The following PLCL1 variants were observed in gnomAD, a reference collection of about 807,000 sequenced individuals.
PLCL1 encodes phospholipase C like 1 (inactive), also known as inactive phospholipase C-like protein 1.
Under a neutral mutation model 84.4 loss-of-function variants are expected in PLCL1, and 41 were observed. That is an observed-to-expected ratio of 0.49 (90% CI 0.38 to 0.63). The LOEUF (loss-of-function observed/expected upper bound fraction) is 0.63, where lower values mean the gene tolerates loss of function less well. Among genes scored for constraint, PLCL1 ranks in the 30% least tolerant of loss-of-function variants. The pLI is 0.00. For synonymous variants in PLCL1, 490 were observed against 488.3 expected (o/e 1.00, Z -0.05); for missense variants, 1,206 against 1,367.8 (o/e 0.88, Z 1.87).
At chr2:197,982,437 GCCT>G (rs982437107) in intron 1 of PLCL1, among the ~76,000 whole-genome samples, 29 of 152,008 alleles carry the variant, frequency 1.9e-4, no homozygotes, top group African/African-American at 5.1e-4. Context: ...CTATCTTTAA[GCCT>G]CCTCATGCTT....
chr2:198,059,983 A>G (rs1226688816), intron 1 of PLCL1, among the ~76,000 whole-genome samples: 1 of 152,184 alleles, frequency 6.6e-6, no homozygotes, highest in African/African-American at 2.4e-5. Flanking sequence ...GCATGAGGTT[A>G]TCTGACTGCA....
chr2:197,958,738 C>T (rs1358719028), intron 1 of PLCL1, among the ~76,000 whole-genome samples: 1 of 151,668 alleles, frequency 6.6e-6, no homozygotes, highest in Non-Finnish European at 1.5e-5. Context: ...ATATTTACAC[C>T]CTTACCTCAT....
At chr2:198,002,318 T>C (rs964692414) in intron 1 of PLCL1, among the ~76,000 whole-genome samples, 36 of 152,322 alleles carry the variant, frequency 2.4e-4, no homozygotes, top group African/African-American at 8.2e-4. Flanking sequence ...AGAACATATG[T>C]ATGCATTTTT....
chr2:198,036,128 A>C (rs961143791), intron 1 of PLCL1, among the ~76,000 whole-genome samples: 2 of 152,176 alleles, frequency 1.3e-5, no homozygotes, highest in Non-Finnish European at 2.9e-5. Flanking sequence ...ATCATCAATG[A>C]ATTCTCTTTT....
rs1236445373 is a variant in PLCL1, at chr2:197,805,184, G to A, written c.85G>A (p.Ala29Thr). Residue 29 changes from alanine (A) to threonine (T), a missense_variant, in exon 1 of 6, where the codon GCC becomes ACC. Ala to Thr is a moderately conservative substitution (Grantham distance 58, BLOSUM62 0). Transcript: ENST00000428675. This position sits in a 1 kb window ranked among gnomAD's most constrained non-coding sequence, Gnocchi z 4.0. The stretch of plus-strand genomic sequence containing the variant: ...AGACGACCCCCGAGTGGGCCCGGAT[G>A]CCGCCGGGGACTGCGTGACGGCGGC... The part of the protein sequence containing the change: ...GEDDPRVGPD[A>T]AGDCVTAASG... The A allele has an allele frequency of 7.0e-6, 9 of 1,284,918 alleles. No homozygotes were observed. The highest frequency in any genetic ancestry group is 6.9e-6 in the Non-Finnish European group (7 of 1,018,724). The allele number at this position is 1,284,918 out of a possible 1,614,324, so 79.6% of individuals were successfully genotyped here.
At chr2:197,978,682 G>T (rs188985570) in intron 1 of PLCL1, among the ~76,000 whole-genome samples, 2 of 152,318 alleles carry the variant, frequency 1.3e-5, no homozygotes, top group Non-Finnish European at 2.9e-5. Flanking sequence ...CCAAATCAGA[G>T]TTGTGAGTGA....
chr2:197,819,884 A>ATGTGTGTGTG (rs57885218), intron 1 of PLCL1, among the ~76,000 whole-genome samples: 14 of 140,662 alleles, frequency 1.0e-4, no homozygotes, highest in East Asian at 4.2e-4. Context: ...ACTATTATGC[A>ATGTGTGTGTG]TGTGTGTGTG....
At chr2:197,888,084 T>A (rs568446920) in intron 1 of PLCL1, among the ~76,000 whole-genome samples, 222 of 151,384 alleles carry the variant, frequency 1.5e-3, no homozygotes, top group Non-Finnish European at 2.3e-3. Context: ...AGTGAGACAC[T>A]GTCTGAAAAA....
At chr2:197,872,053 T>C (rs1313596211) in intron 1 of PLCL1, among the ~76,000 whole-genome samples, 2 of 152,116 alleles carry the variant, frequency 1.3e-5, no homozygotes, top group Admixed American at 1.3e-4. Context: ...TAAATTCCAG[T>C]CTGGATTACA....
At position 198,031,154 on chromosome 2, in the gene PLCL1, T is replaced by C. The variant is rs576202981; in HGVS notation, c.241-52604T>C. Among the ~76,000 whole-genome samples the C allele has an allele frequency of 4.1e-5, 6 of 148,112 alleles. No homozygotes were observed. The South Asian group carries it at 1.3e-3, about 31-fold the overall frequency. ...GTGAGGTGGAGACAGGAGGATCACCTGAGCATAGGAGCTCAACACCAGTCT... is the reference window on the plus strand; with the variant it reads ...GTGAGGTGGAGACAGGAGGATCACCCGAGCATAGGAGCTCAACACCAGTCT... On this transcript the variant is annotated intron_variant, in intron 1 of 5. Coordinates refer to ENST00000428675, the MANE Select transcript of PLCL1 (RefSeq NM_006226.4).
At chr2:197,908,353 A>G (rs1688423380) in intron 1 of PLCL1, among the ~76,000 whole-genome samples, 1 of 152,224 alleles carries the variant, frequency 6.6e-6, no homozygotes, top group Non-Finnish European at 1.5e-5. Context: ...ATTTCTAGCA[A>G]AAGAGAATGA....
chr2:197,934,621 A>G (rs1424349239), intron 1 of PLCL1, among the ~76,000 whole-genome samples: 1 of 152,132 alleles, frequency 6.6e-6, no homozygotes, highest in African/African-American at 2.4e-5. Flanking sequence ...TTTCTTCGTT[A>G]GGAAAGAAAA....
rs1482400137 is a variant in PLCL1, at chr2:198,143,563, A to G, written c.3106-3217A>G. ...GGTGTTTGTGACAGAGTAGAGAGAA[A>G]GAGATTGCTAGATGATTAGGGAAAA... On this transcript the variant is annotated intron_variant, in intron 5 of 5. Coordinates refer to ENST00000428675, the MANE Select transcript of PLCL1 (RefSeq NM_006226.4). Among the ~76,000 whole-genome samples the G allele has an allele frequency of 2.6e-5, 4 of 152,056 alleles. No individual in the cohort carries two copies. The East Asian group carries it at 5.8e-4, about 22-fold the overall frequency.
At chr2:197,888,968 A>T (rs1687967513) in intron 1 of PLCL1, among the ~76,000 whole-genome samples, 1 of 152,194 alleles carries the variant, frequency 6.6e-6, no homozygotes, top group Non-Finnish European at 1.5e-5. Context: ...CCTTTTTCAA[A>T]ATGTCAGTGG....
intron 5 of PLCL1, among the ~76,000 whole-genome samples, chr2:198,136,079 C>T (rs1464135443): frequency 1.3e-5 from 2 of 152,054 alleles, no homozygotes; most frequent in South Asian, 2.1e-4. Context: ...CTTTTATTGT[C>T]GCATTTTATT....
chr2:197,944,699 A>G (rs1574962064), intron 1 of PLCL1, among the ~76,000 whole-genome samples: 2 of 152,326 alleles, frequency 1.3e-5, no homozygotes, highest in Admixed American at 1.3e-4. Flanking sequence ...CCAATGATGG[A>G]AAGTCTAAAT....
intron 1 of PLCL1, among the ~76,000 whole-genome samples, chr2:197,962,724 C>T (rs970705202): frequency 2.0e-5 from 3 of 151,864 alleles, no homozygotes; most frequent in Non-Finnish European, 4.4e-5. Context: ...ATTAATCATC[C>T]CCACTCCCCA....
rs930818141 is a variant in PLCL1, at chr2:198,120,988, C to T, written c.3105+17052C>T. On this transcript the variant is annotated intron_variant, in intron 5 of 5. Transcript: ENST00000428675. ...TATCTTCGCCAGCATTTTTTATTGCCTGTCTTTTGGATATAAGTCATTTTA... is the reference window on the plus strand; with the variant it reads ...TATCTTCGCCAGCATTTTTTATTGCTTGTCTTTTGGATATAAGTCATTTTA... 1.3e-5 allele frequency among the ~76,000 whole-genome samples: 2 copies of T among 151,966 alleles called. 1 individual carries two copies. The highest frequency in any genetic ancestry group is 1.3e-4 in the Admixed American group (2 of 15,250).
At chr2:197,896,022 G>A (rs1688127575) in intron 1 of PLCL1, among the ~76,000 whole-genome samples, 1 of 151,820 alleles carries the variant, frequency 6.6e-6, no homozygotes, top group South Asian at 2.1e-4. Context: ...TTTTTGGAAT[G>A]CCTGGCTGAG....
Sources: gnomAD v4.1 joint callset for allele counts (sites outside exome capture counted in the v4.1 genomes callset) on GRCh38, gnomAD v4.1.1 for gene constraint, Gnocchi (gnomAD v3.1) non-coding constraint, MANE v1.5 for transcripts, NCBI Gene and HGNC (gene_info 2026-07-23, HGNC 2026-07-21) for gene names.